Variants in DAB1 observed in about 807,000 individuals in gnomAD.
DAB1 encodes the protein DAB adaptor protein 1.
In DAB1, 15 loss-of-function variants were observed where a neutral mutation model predicts 64.6. The observed-to-expected ratio is 0.23, with a 90% CI of 0.16 to 0.36. The LOEUF is 0.36. Ranked by LOEUF, DAB1 falls within the 10% of genes least tolerant of loss-of-function variation. DAB1 has a pLI of 1.00. For synonymous variants in DAB1, 235 were observed against 251.9 expected (o/e 0.93, Z 0.64); for missense variants, 596 against 706.7 (o/e 0.84, Z 1.78).
chr1:57,424,259 G>C (rs1004515575), upstream of DAB1, among the ~76,000 whole-genome samples: 27 of 151,174 alleles, frequency 1.8e-4, no homozygotes, highest in African/African-American at 2.7e-4. Context: ...GGCTCCCTCC[G>C]GGGCGCTCTC....
chr1:57,634,552 C>G (rs867901777), intron 7 of DAB1, among the ~76,000 whole-genome samples: 2 of 152,156 alleles, frequency 1.3e-5, no homozygotes, highest in East Asian at 3.9e-4. Context: ...TACTAGTTTT[C>G]CTAACGTGTA....
intron 6 of DAB1, among the ~76,000 whole-genome samples, chr1:57,713,423 C>A (rs1253962431): frequency 6.6e-6 from 1 of 152,114 alleles, no homozygotes; most frequent in Non-Finnish European, 1.5e-5. Flanking sequence ...AAAATACAGT[C>A]CTTGTTTTAA....
intron 7 of DAB1, among the ~76,000 whole-genome samples, chr1:57,527,086 T>C (rs1326040375): frequency 6.6e-6 from 1 of 152,140 alleles, no homozygotes; most frequent in Non-Finnish European, 1.5e-5. Context: ...CAGTGCTCTT[T>C]CCATGAAACT....
At chr1:57,141,856 G>T (rs1048453613) in intron 3 of DAB1, among the ~76,000 whole-genome samples, 2 of 152,094 alleles carry the variant, frequency 1.3e-5, no homozygotes, top group Non-Finnish European at 2.9e-5. Flanking sequence ...TAAATTAAAC[G>T]CAAATACAAA....
At chr1:58,417,475 T>G (rs938768364) in intron 3 of DAB1, among the ~76,000 whole-genome samples, 5 of 151,314 alleles carry the variant, frequency 3.3e-5, no homozygotes, top group Non-Finnish European at 7.4e-5. Context: ...CGGCCGGGAG[T>G]GGTTGGAGGA....
chr1:58,195,423 A>G (rs532411564), intron 4 of DAB1, among the ~76,000 whole-genome samples: 1 of 152,340 alleles, frequency 6.6e-6, no homozygotes, highest in Non-Finnish European at 1.5e-5. Flanking sequence ...AAAGTGACAC[A>G]GAGAGGGCAA....
chr1:58,380,938 A>G (rs1026164055), intron 3 of DAB1, among the ~76,000 whole-genome samples: 2 of 152,376 alleles, frequency 1.3e-5, no homozygotes, highest in Non-Finnish European at 2.9e-5. Context: ...TGGTACATAT[A>G]CACCATGGAA....
At chr1:58,180,281 C>CTTTTTTTTTTTTCTTTTTTT (rs1656710462) in intron 4 of DAB1, among the ~76,000 whole-genome samples, 4 of 61,002 alleles carry the variant, frequency 6.6e-5, no homozygotes, top group Non-Finnish European at 8.7e-5. Context: ...TTTTTCTTTT[C>CTTTTTTTTTTTTCTTTTTTT]TTTTTTTTTT....
chr1:57,516,125 A>G (rs925813972), intron 7 of DAB1, among the ~76,000 whole-genome samples: 2 of 152,204 alleles, frequency 1.3e-5, no homozygotes, highest in African/African-American at 4.8e-5. Context: ...AACAGACTGG[A>G]GTGGGGGCAC....
intron 2 of DAB1, among the ~76,000 whole-genome samples, chr1:57,285,079 C>T (rs1570161711): frequency 6.6e-6 from 1 of 152,064 alleles, no homozygotes; most frequent in East Asian, 1.9e-4. Context: ...CTGGGTATAG[C>T]ACTAATATGA....
chr1:57,555,696 TC>T (rs1276718918), intron 7 of DAB1, among the ~76,000 whole-genome samples: 1 of 152,148 alleles, frequency 6.6e-6, no homozygotes, highest in Non-Finnish European at 1.5e-5. Flanking sequence ...GAGTGATTTG[TC>T]CAGGGTCACA....
At chr1:57,875,439 T>C (rs1157179152) in intron 1 of DAB1, among the ~76,000 whole-genome samples, 1 of 152,188 alleles carries the variant, frequency 6.6e-6, no homozygotes, top group Non-Finnish European at 1.5e-5. Flanking sequence ...CATCCACTCA[T>C]TCATTCTTTC....
intron 6 of DAB1, among the ~76,000 whole-genome samples, chr1:57,706,946 C>A (rs947728675): frequency 1.3e-5 from 2 of 151,902 alleles, no homozygotes; most frequent in South Asian, 2.1e-4. Flanking sequence ...TGGTGGCAGG[C>A]GCCTGTAATT....
At chr1:57,087,473 C>G (rs1446894410) in intron 4 of DAB1, among the ~76,000 whole-genome samples, 1 of 152,202 alleles carries the variant, frequency 6.6e-6, no homozygotes. Flanking sequence ...AATGCCAGGG[C>G]AGAAGGAGGC....
intron 2 of DAB1, among the ~76,000 whole-genome samples, chr1:57,206,963 C>T: frequency 8.0e-6 from 1 of 124,570 alleles, no homozygotes; most frequent in Admixed American, 9.1e-5. Context: ...TTCTTTCCTT[C>T]CTTCCTTTTT....
chr1:57,181,865 C>CA lies in DAB1; in HGVS notation c.68-36437dup, dbSNP rs1662972236. On this transcript the variant is annotated intron_variant, in intron 2 of 14. Transcript: ENST00000371236. ...GTCATAAAAAGTAAATGTTACATTGCAAGTGAAGTTTTTTGTTTTGTTTGT... is the reference window on the plus strand; with the variant it reads ...GTCATAAAAAGTAAATGTTACATTGCAAAGTGAAGTTTTTTGTTTTGTTTGT... Among the ~76,000 whole-genome samples, 9 of 152,086 alleles carry CA rather than the reference C, an allele frequency of 5.9e-5. No individual in the cohort carries two copies. In the South Asian group the frequency reaches 1.9e-3, roughly 32 times the overall value.
intron 5 of DAB1, among the ~76,000 whole-genome samples, chr1:58,040,592 G>A (rs1372793030): frequency 6.6e-6 from 1 of 152,180 alleles, no homozygotes; most frequent in East Asian, 1.9e-4. Flanking sequence ...ATAAAACTGT[G>A]TAATTGGTTC....
At chr1:57,902,379 T>C (rs896167568) in intron 5 of DAB1, among the ~76,000 whole-genome samples, 1 of 152,122 alleles carries the variant, frequency 6.6e-6, no homozygotes, top group African/African-American at 2.4e-5. Context: ...ATTTTGCCTG[T>C]ATCTTCTAAG....
At chr1:57,121,165 G>A (rs904581951) in intron 4 of DAB1, among the ~76,000 whole-genome samples, 3 of 149,888 alleles carry the variant, frequency 2.0e-5, no homozygotes, top group Admixed American at 6.7e-5. Flanking sequence ...AGGAGGAGGA[G>A]AAGGAGGAGA....
Sources: gnomAD v4.1 joint callset for allele counts (sites outside exome capture counted in the v4.1 genomes callset) on GRCh38, gnomAD v4.1.1 for gene constraint, MANE v1.5 for transcripts, NCBI Gene and HGNC (gene_info 2026-07-23, HGNC 2026-07-21) for gene names.